Variants in KCNK12 observed in about 807,000 individuals in gnomAD.
KCNK12 encodes the protein potassium two pore domain channel subfamily K member 12.
Under a neutral mutation model 25.3 loss-of-function variants are expected in KCNK12, and 6 were observed. That is an observed-to-expected ratio of 0.24 (90% CI 0.13 to 0.47). The LOEUF (loss-of-function observed/expected upper bound fraction) is 0.47, where lower values mean the gene tolerates loss of function less well. Ranked by LOEUF, KCNK12 falls within the 20% of genes least tolerant of loss-of-function variation. KCNK12 has a pLI of 0.99. For missense variants in KCNK12, 444 were observed against 661.7 expected (o/e 0.67, Z 3.61); for synonymous variants, 331 against 311.1 (o/e 1.06, Z -0.67).
In KCNK12 at chr2:47,512,213, A is replaced by G; in HGVS notation, c.*8694T>C. On this transcript the variant is annotated 3_prime_UTR_variant, in exon 2 of 2. Transcript: ENST00000327876. ...TTGAACAAACTGTCTAAGCTGGGTCAGGTACTCTGCAGATGTTTGCTGAGT... is the reference window on the plus strand; with the variant it reads ...TTGAACAAACTGTCTAAGCTGGGTCGGGTACTCTGCAGATGTTTGCTGAGT... 6.8e-7 allele frequency: 1 copy of G among 1,469,316 alleles called. No individual in the cohort carries two copies. Among genetic ancestry groups the G allele is most frequent in the Non-Finnish European group, 9.3e-7 (1 of 1,077,488 alleles). 91.0% of individuals were successfully genotyped at this position (1,469,316 alleles called of 1,614,324 possible). A position where few individuals can be genotyped will look rare whatever the true frequency, so the allele number is the denominator to read the frequency against.
At chr2:47,521,895 T>C (rs1047997432) in intron 1 of KCNK12, 87 bp from the exon 2 acceptor site, 3 of 1,070,588 alleles carry the variant, frequency 2.8e-6, no homozygotes, top group East Asian at 5.7e-5. Flanking sequence ...GGCGGGGGCA[T>C]GCAGGTGCTT....
chr2:47,550,019 G>C (rs1045918297), intron 1 of KCNK12, among the ~76,000 whole-genome samples: 29 of 151,122 alleles, frequency 1.9e-4, no homozygotes, highest in African/African-American at 6.8e-4. Context: ...TGCTGAAAAA[G>C]GTTGAACTTG....
In KCNK12 at chr2:47,529,150, T is replaced by C. The variant is rs1163614693; in HGVS notation, c.392-7342A>G. 1.3e-5 allele frequency: 2 copies of C among 152,152 alleles called. No individual in the cohort carries two copies. The highest frequency in any genetic ancestry group is 2.9e-5 in the Non-Finnish European group (2 of 68,036). 9.4% of individuals were successfully genotyped at this position (152,152 alleles called of 1,614,324 possible). A position where few individuals can be genotyped will look rare whatever the true frequency, so the allele number is the denominator to read the frequency against. On this transcript the variant is annotated intron_variant, in intron 1 of 1. Transcript: ENST00000327876. The surrounding 1 kb of genome is among the most constrained non-coding windows in gnomAD (Gnocchi z 4.3). The stretch of plus-strand genomic sequence containing the variant: ...AACTGTGAGAGAGGGAAATAAAACG[T>C]ACTGTACAGTCCAATCTGGGATACT...
At chr2:47,527,112 C>T (rs2104751127) in intron 1 of KCNK12, among the ~76,000 whole-genome samples, 1 of 152,332 alleles carries the variant, frequency 6.6e-6, no homozygotes, top group East Asian at 1.9e-4. Flanking sequence ...AAAGTTCATG[C>T]TCTTTCCACC....
Position 47,570,176 on chromosome 2 carries a change from C to T in KCNK12, c.156G>A (p.Ala52=), listed in dbSNP as rs1442035899. 5 of 1,488,592 alleles carry T rather than the reference C, an allele frequency of 3.4e-6. No homozygotes were observed. In the Admixed American group the frequency reaches 8.5e-5, roughly 25 times the overall value. The allele number at this position is 1,488,592 out of a possible 1,614,324, so 92.2% of individuals were successfully genotyped here. ...LAALIGLYLV[A]GATVFSALES... is the part of the protein sequence containing the mutation. ...CGAGCGCCGAGAAGACTGTGGCACC[C>T]GCCACCAGGTAGAGGCCGATGAGCG... The change falls in exon 1 of 2, where the codon GCG becomes GCA. Residue 52 remains alanine, a synonymous_variant. Coordinates refer to ENST00000327876, the MANE Select transcript of KCNK12 (RefSeq NM_022055.2).
chr2:47,533,114 C>T lies in KCNK12; in HGVS notation c.392-11306G>A, dbSNP rs995180310. ...CAACCTCCACCTCCCAGGTTCAAGC[C>T]ATTCTCCTGCCACAGCCTCCCAAGT... On this transcript the variant is annotated intron_variant, in intron 1 of 1. Coordinates refer to ENST00000327876, the MANE Select transcript of KCNK12 (RefSeq NM_022055.2). The surrounding 1 kb of genome is among the most constrained non-coding windows in gnomAD (Gnocchi z 4.7). Among the ~76,000 whole-genome samples the T allele has an allele frequency of 2.0e-5, 3 of 152,066 alleles. No homozygotes were observed. Among genetic ancestry groups the T allele is most frequent in the African/African-American group, 7.2e-5 (3 of 41,414 alleles).
In KCNK12 at chr2:47,556,246, AG is replaced by A. The variant is rs1396871100; in HGVS notation, c.391+13694del. Among the ~76,000 whole-genome samples the A allele has an allele frequency of 6.6e-6, 1 of 152,234 alleles. No individual in the cohort carries two copies. The highest frequency in any genetic ancestry group is 2.4e-5 in the African/African-American group (1 of 41,470). ...GGTAATGACAGGAACTAAGCCCTGG[AG>A]GAAGTTAGAGGAAGTGAGACCCAGT... On this transcript the variant is annotated intron_variant, in intron 1 of 1. Transcript: ENST00000327876. This position sits in a 1 kb window ranked among gnomAD's most constrained non-coding sequence, Gnocchi z 4.8.
Position 47,521,634 on chromosome 2 carries a change from A to G in KCNK12, c.566T>C (p.Leu189Pro). The part of the protein sequence containing the change: ...CRERQLRRSG[L>P]LPATFRRGSA... ...GCCGCGGCGGAAGGTGGCGGGCAGCAGGCCGCTGCGGCGCAGCTGGCGCTC... is the reference window on the plus strand; with the variant it reads ...GCCGCGGCGGAAGGTGGCGGGCAGCGGGCCGCTGCGGCGCAGCTGGCGCTC... The change falls in exon 2 of 2, where the codon CTG (leucine) becomes CCG (proline). Residue 189 changes from leucine (L) to proline (P), a missense_variant. Transcript: ENST00000327876. 6.3e-7 allele frequency: 1 copy of G among 1,586,266 alleles called. No homozygotes were observed. The highest frequency in any genetic ancestry group is 1.3e-5 in the African/African-American group (1 of 74,386).
At chr2:47,568,912 T>C (rs1558568526) in intron 1 of KCNK12, among the ~76,000 whole-genome samples, 1 of 151,554 alleles carries the variant, frequency 6.6e-6, no homozygotes. Context: ...TCTATACAGG[T>C]GAGTAACCGA....
At chr2:47,531,806 T>C (rs1668936288) in intron 1 of KCNK12, among the ~76,000 whole-genome samples, 1 of 152,198 alleles carries the variant, frequency 6.6e-6, no homozygotes, top group Non-Finnish European at 1.5e-5. Flanking sequence ...ACTCCTGTGA[T>C]AAGACAGAAG....
Position 47,540,929 on chromosome 2 carries a change from C to G in KCNK12, c.392-19121G>C, listed in dbSNP as rs1458221307. Among the ~76,000 whole-genome samples, 1 of 152,206 alleles carries G rather than the reference C, an allele frequency of 6.6e-6. No individual in the cohort carries two copies. Among genetic ancestry groups the G allele is most frequent in the East Asian group, 1.9e-4 (1 of 5,194 alleles). On this transcript the variant is annotated intron_variant, in intron 1 of 1. Transcript: ENST00000327876. The surrounding 1 kb of genome is among the most constrained non-coding windows in gnomAD (Gnocchi z 5.4). ...TACCACTGCACTCCAGCCTGGGCAACAGAGTGAGACCCTGTCTCTACATAA... is the reference window on the plus strand; with the variant it reads ...TACCACTGCACTCCAGCCTGGGCAAGAGAGTGAGACCCTGTCTCTACATAA...
chr2:47,561,811 C>T (rs1187034650), intron 1 of KCNK12, among the ~76,000 whole-genome samples: 1 of 152,106 alleles, frequency 6.6e-6, no homozygotes, highest in Non-Finnish European at 1.5e-5. Flanking sequence ...AGAATTAGGA[C>T]GTGAATCCAG....
Position 47,565,919 on chromosome 2 carries a change from A to G in KCNK12, c.391+4022T>C, listed in dbSNP as rs1020027138. 2.0e-5 allele frequency: 3 copies of G among 152,262 alleles called. No individual in the cohort carries two copies. Among genetic ancestry groups the G allele is most frequent in the Non-Finnish European group, 4.4e-5 (3 of 68,046 alleles). The allele number at this position is 152,262 out of a possible 1,614,324, so 9.4% of individuals were successfully genotyped here. A position where few individuals can be genotyped will look rare whatever the true frequency, so the allele number is the denominator to read the frequency against. On this transcript the variant is annotated intron_variant, in intron 1 of 1. Coordinates refer to ENST00000327876, the MANE Select transcript of KCNK12 (RefSeq NM_022055.2). The surrounding 1 kb of genome is among the most constrained non-coding windows in gnomAD (Gnocchi z 5.0). Reference sequence around the variant, plus strand: ...ATCTATGATGAGTGATGCTTGTCTTAGATGTTTTTTAATTGGCAGAATGAA... The same window carrying G: ...ATCTATGATGAGTGATGCTTGTCTTGGATGTTTTTTAATTGGCAGAATGAA...
At position 47,521,239 on chromosome 2, in the gene KCNK12, A is replaced by G. The variant is rs774359044; in HGVS notation, c.961T>C (p.Cys321Arg). The stretch of plus-strand genomic sequence containing the variant: ...AGGGGCGCGCCAGGAGCCGGGCAGC[A>G]GCGCGCGCAGCAGCGGCAGCTCAGC... The part of the protein sequence containing the change: ...RKLSCRCCAR[C>R]CPAPGAPLAR... Residue 321 changes from cysteine (C) to arginine (R), a missense_variant, in exon 2 of 2, where the codon TGC (cysteine) becomes CGC (arginine). By Grantham distance (180) the Cys-to-Arg change is radical. Transcript: ENST00000327876. 1 of 1,605,180 alleles carries G rather than the reference A, an allele frequency of 6.2e-7. No individual in the cohort carries two copies. The highest frequency in any genetic ancestry group is 2.2e-5 in the East Asian group (1 of 44,462).
rs1386922500 is a variant in KCNK12 at position 47,510,949 on chromosome 2, G to C, written c.*9958C>G. The C allele has an allele frequency of 6.6e-6, 1 of 152,186 alleles. No homozygotes were observed. Among genetic ancestry groups the C allele is most frequent in the Non-Finnish European group, 1.5e-5 (1 of 68,068 alleles). 9.4% of individuals were successfully genotyped at this position (152,186 alleles called of 1,614,324 possible). On this transcript the variant is annotated 3_prime_UTR_variant, in exon 2 of 2. Coordinates refer to ENST00000327876, the MANE Select transcript of KCNK12 (RefSeq NM_022055.2). ...CGGGACTTCTCTGAGCCTGCCCCTGGTGGTATGACTGTGATATCCCTGCTT... is the reference window on the plus strand; with the variant it reads ...CGGGACTTCTCTGAGCCTGCCCCTGCTGGTATGACTGTGATATCCCTGCTT...
rs1669700783 is a variant in KCNK12 at position 47,562,620 on chromosome 2, A to AC, written c.391+7320_391+7321insG. Reference sequence around the variant, plus strand: ...TAGGGAATGGCAGGGTTTGGGGTAGAACTTCCTGGGGCCAGAGTCTCATAG... The same window carrying AC: ...TAGGGAATGGCAGGGTTTGGGGTAGACACTTCCTGGGGCCAGAGTCTCATAG... On this transcript the variant is annotated intron_variant, in intron 1 of 1. Transcript: ENST00000327876. This position sits in a 1 kb window ranked among gnomAD's most constrained non-coding sequence, Gnocchi z 4.8. The AC allele has an allele frequency of 4.3e-6, 1 of 233,292 alleles. No individual in the cohort carries two copies. The highest frequency in any genetic ancestry group is 2.2e-5 in the African/African-American group (1 of 45,342). The allele number at this position is 233,292 out of a possible 1,614,324, so 14.5% of individuals were successfully genotyped here.
intron 1 of KCNK12, among the ~76,000 whole-genome samples, chr2:47,559,181 T>C (rs1669612011): frequency 1.3e-5 from 2 of 152,236 alleles, no homozygotes; most frequent in African/African-American, 4.8e-5. Flanking sequence ...AGGACCCAGC[T>C]GACTCAGAGA....
chr2:47,558,380 CTG>C (rs909070942), intron 1 of KCNK12, among the ~76,000 whole-genome samples: 1 of 152,260 alleles, frequency 6.6e-6, no homozygotes, highest in Admixed American at 6.5e-5. Flanking sequence ...TCTTCCCTGC[CTG>C]CCACTGAGGC....
intron 1 of KCNK12, among the ~76,000 whole-genome samples, chr2:47,526,868 G>A (rs1367330080): frequency 2.0e-5 from 3 of 152,134 alleles, no homozygotes; most frequent in South Asian, 2.1e-4. Flanking sequence ...TTCCAGTGTC[G>A]GCCCATTTAA....
Sources: gnomAD v4.1 joint callset for allele counts (sites outside exome capture counted in the v4.1 genomes callset) on GRCh38, gnomAD v4.1.1 for gene constraint, Gnocchi (gnomAD v3.1) non-coding constraint, MANE v1.5 for transcripts, NCBI Gene and HGNC (gene_info 2026-07-23, HGNC 2026-07-21) for gene names.